The following R3HDM2 variants were observed in gnomAD, a reference collection of about 807,000 sequenced individuals.
R3HDM2 encodes the protein R3H domain containing 2, also known as R3H domain-containing protein 2.
A neutral mutation model predicts 124.5 loss-of-function variants in R3HDM2; 38 were observed. The ratio of observed to expected loss-of-function variants is 0.31; its 90% CI spans 0.24 to 0.40. R3HDM2 has a LOEUF of 0.40. Among genes scored for constraint, R3HDM2 ranks in the 10% least tolerant of loss-of-function variants. The pLI, the probability that R3HDM2 is intolerant of heterozygous loss-of-function variation, is 1.00. For synonymous variants in R3HDM2, 391 were observed against 448.0 expected (o/e 0.87, Z 1.61); for missense variants, 869 against 1,236.9 (o/e 0.70, Z 4.46).
At chr12:57,401,426 A>C (rs1367366728) in intron 1 of R3HDM2, among the ~76,000 whole-genome samples, 1 of 152,324 alleles carries the variant, frequency 6.6e-6, no homozygotes, top group African/African-American at 2.4e-5. Flanking sequence ...CATGTGAATG[A>C]GGCTATCCAG....
At chr12:57,395,218 A>G (rs897554177) in intron 2 of R3HDM2, among the ~76,000 whole-genome samples, 9 of 151,706 alleles carry the variant, frequency 5.9e-5, no homozygotes, top group Non-Finnish European at 1.5e-5. Flanking sequence ...AAATTAAAAA[A>G]AATTAGAGCC....
rs1183514418 is a variant in R3HDM2 at position 57,392,804 on chromosome 12, C to CTT, written c.-36+2943_-36+2944dup. Among the ~76,000 whole-genome samples the CTT allele has an allele frequency of 2.7e-4, 34 of 127,494 alleles. 1 individual carries two copies. Among genetic ancestry groups the CTT allele is most frequent in the South Asian group, 1.2e-3 (5 of 4,020 alleles). 83.6% of individuals were successfully genotyped at this position (127,494 alleles called of 152,430 possible). A position where few individuals can be genotyped will look rare whatever the true frequency, so the allele number is the denominator to read the frequency against. Reference sequence around the variant, plus strand: ...CCCAGCAGTTCAATTCTATAGTACACTTTTTTTTTTTTTTTTTTTTGCTAG... The same window carrying CTT: ...CCCAGCAGTTCAATTCTATAGTACACTTTTTTTTTTTTTTTTTTTTTTGCTAG... On this transcript the variant is annotated intron_variant, in intron 2 of 23. Coordinates refer to ENST00000402412, the MANE Select transcript of R3HDM2 (RefSeq NM_001394031.1).
chr12:57,308,654 C>G (rs2053275185), intron 3 of R3HDM2, among the ~76,000 whole-genome samples: 1 of 151,982 alleles, frequency 6.6e-6, no homozygotes, highest in African/African-American at 2.4e-5. Context: ...CCATCGCACT[C>G]CAGCTTGTGC....
At chr12:57,322,750 A>G (rs561943017) in intron 2 of R3HDM2, among the ~76,000 whole-genome samples, 1 of 152,262 alleles carries the variant, frequency 6.6e-6, no homozygotes, top group South Asian at 2.1e-4. Flanking sequence ...AAGTCAATAC[A>G]AGAGAGGCAA....
intron 2 of R3HDM2, among the ~76,000 whole-genome samples, chr12:57,326,984 G>T (rs2057389706): frequency 7.5e-5 from 1 of 13,422 alleles, no homozygotes; most frequent in Non-Finnish European, 3.9e-4. Context: ...GAGATATGTT[G>T]CTCAAAAAAA....
At chr12:57,310,892 GGACTC>G (rs538671246) in intron 2 of R3HDM2, among the ~76,000 whole-genome samples, 7 of 151,974 alleles carry the variant, frequency 4.6e-5, no homozygotes, top group Non-Finnish European at 8.8e-5. Flanking sequence ...TACACTGTCT[GGACTC>G]TTTTACTCAG....
At chr12:57,300,229 T>C (rs2050819080) in intron 4 of R3HDM2, 48 bp from the exon 5 acceptor site, 1 of 1,440,386 alleles carries the variant, frequency 6.9e-7, no homozygotes. Flanking sequence ...GTATCTTATA[T>C]ATTTCTTCCC....
rs2039943833 is a variant in R3HDM2 at position 57,258,994 on chromosome 12, G to A, written c.2197C>T (p.Pro733Ser). 2 of 1,613,396 alleles carry A rather than the reference G, an allele frequency of 1.2e-6. No individual in the cohort carries two copies. The highest frequency in any genetic ancestry group is 2.7e-5 in the African/African-American group (2 of 75,018). The change falls in exon 20 of 24, where the codon CCT becomes TCT. Residue 733 changes from proline to serine, a missense_variant. Coordinates refer to ENST00000402412, the MANE Select transcript of R3HDM2 (RefSeq NM_001394031.1). Reference sequence around the variant, plus strand: ...CACTGGACCATGGATGGGTTCTGAGGGGGCTGGGGTCCATTAGGGACATTC... The same window carrying A: ...CACTGGACCATGGATGGGTTCTGAGAGGGCTGGGGTCCATTAGGGACATTC... ...QLNVPNGPQPPQNPSMVQWSH... is the reference protein window; with the variant it reads ...QLNVPNGPQPSQNPSMVQWSH...
Position 57,269,899 on chromosome 12 carries a change from T to G in R3HDM2, c.1440A>C (p.Pro480=). The change falls in exon 15 of 24, where the codon CCA becomes CCC. Residue 480 remains proline, a synonymous_variant. Coordinates refer to ENST00000402412, the MANE Select transcript of R3HDM2 (RefSeq NM_001394031.1). ...TCTGCTGAGGGTGCTGGGAGATAAG[T>G]GGGGTCTGGAATAGAGCTGCAGATG... The part of the protein sequence containing the change: ...ADPSAALFQT[P]LISQHPQQTS... The G allele has an allele frequency of 6.2e-7, 1 of 1,614,096 alleles. No individual in the cohort carries two copies. The highest frequency in any genetic ancestry group is 1.7e-5 in the Admixed American group (1 of 60,018).
intron 2 of R3HDM2, among the ~76,000 whole-genome samples, chr12:57,355,413 C>T (rs1405789421): frequency 8.3e-5 from 12 of 143,926 alleles, no homozygotes; most frequent in South Asian, 4.4e-4. Flanking sequence ...GCGCTGAGAT[C>T]GGGCCACTGC....
chr12:57,430,401 A>T (rs921631033), intron 1 of R3HDM2: 23 of 473,506 alleles, frequency 4.9e-5, no homozygotes, highest in Non-Finnish European at 6.1e-5. Context: ...CACCCAAGAA[A>T]CACACGGAGC....
chr12:57,298,688 G>A (rs948290118), intron 6 of R3HDM2, among the ~76,000 whole-genome samples: 1 of 150,412 alleles, frequency 6.6e-6, no homozygotes, highest in African/African-American at 2.4e-5. Context: ...CAGGCCAGGC[G>A]CAGTGGCTCA....
At chr12:57,259,156 T>G in intron 19 of R3HDM2, 97 bp from the exon 20 acceptor site, 1 of 1,305,954 alleles carries the variant, frequency 7.7e-7, no homozygotes, top group Non-Finnish European at 1.1e-6. Context: ...AATCCACCCA[T>G]TGCCTCAGGG....
chr12:57,328,354 G>C (rs1376758152), intron 2 of R3HDM2, among the ~76,000 whole-genome samples: 1 of 152,072 alleles, frequency 6.6e-6, no homozygotes, highest in African/African-American at 2.4e-5. Flanking sequence ...GAGCCACCAT[G>C]CCTGGCCAGT....
At chr12:57,300,955 T>C (rs1273827967) in intron 4 of R3HDM2, among the ~76,000 whole-genome samples, 1 of 151,836 alleles carries the variant, frequency 6.6e-6, no homozygotes, top group Non-Finnish European at 1.5e-5. Context: ...TTTTTAAAAA[T>C]TAGCTGGCCA....
intron 1 of R3HDM2, among the ~76,000 whole-genome samples, chr12:57,397,050 A>AC (rs1436075750): frequency 1.3e-5 from 2 of 151,968 alleles, no homozygotes; most frequent in Admixed American, 1.3e-4. Context: ...CCAAGATCAC[A>AC]CCATTGCACT....
chr12:57,268,467 AAAGAG>A lies in R3HDM2; in HGVS notation c.1876-15_1876-11del. 6.2e-7 allele frequency: 1 copy of A among 1,613,504 alleles called. No individual in the cohort carries two copies. The highest frequency in any genetic ancestry group is 8.5e-7 in the Non-Finnish European group (1 of 1,179,708). The stretch of plus-strand genomic sequence containing the variant: ...CACTACCCACTGGAACCTGGGTGAG[AAAGAG>A]AAGAGAAAGAATCACATTCGCATTC... On this transcript the variant is annotated splice_polypyrimidine_tract_variant and intron_variant, in intron 17 of 23. Transcript: ENST00000402412.
chr12:57,382,541 CAA>C (rs1222419669), intron 2 of R3HDM2, among the ~76,000 whole-genome samples: 7 of 40,130 alleles, frequency 1.7e-4, no homozygotes, highest in Non-Finnish European at 3.1e-4. Flanking sequence ...GCCCAGCCTA[CAA>C]AAAAAAAAAA....
intron 1 of R3HDM2, among the ~76,000 whole-genome samples, chr12:57,406,459 A>T (rs2068536567): frequency 6.6e-6 from 1 of 152,204 alleles, no homozygotes; most frequent in South Asian, 2.1e-4. Flanking sequence ...TATTTTGAAA[A>T]TGGTCATAAC....
Sources: gnomAD v4.1 joint callset for allele counts (sites outside exome capture counted in the v4.1 genomes callset) on GRCh38, gnomAD v4.1.1 for gene constraint, MANE v1.5 for transcripts, NCBI Gene and HGNC (gene_info 2026-07-23, HGNC 2026-07-21) for gene names.